Variants in MYO16 observed in about 807,000 individuals in gnomAD.
MYO16 encodes unconventional myosin-XVI.
In MYO16, 94 loss-of-function variants were observed where a neutral mutation model predicts 205.3. The ratio of observed to expected loss-of-function variants is 0.46; its 90% CI spans 0.39 to 0.54. MYO16 has a LOEUF of 0.54. Among genes scored for constraint, MYO16 ranks in the 20% least tolerant of loss-of-function variants. The pLI, the probability that MYO16 is intolerant of heterozygous loss-of-function variation, is 0.00. For missense variants in MYO16, 2,315 were observed against 2,387.5 expected, an observed-to-expected ratio of 0.97 and a Z score of 0.63; for synonymous variants, 988 against 954.0, an observed-to-expected ratio of 1.04 and a Z score of -0.66.
the MYO16 span, among the ~76,000 whole-genome samples, chr13:108,564,562 A>ATTT: frequency 6.6e-6 from 1 of 152,192 alleles, no homozygotes; most frequent in East Asian, 1.9e-4. Context: ...CTCTTGTCAG[A>ATTT]TGGGTAGTTT....
At chr13:108,686,548 T>G (rs1887123) in intron 2 of MYO16, among the ~76,000 whole-genome samples, 45,674 of 151,968 alleles carry the variant, frequency 0.3, 7,031 homozygotes, top group Middle Eastern at 0.4. Context: ...CCAGGGGATA[T>G]GGAGGTGATC....
chr13:108,629,959 C>T, intron 1 of MYO16, 87 bp downstream of exon 1: 1 of 1,135,830 alleles, frequency 8.8e-7, no homozygotes, highest in Non-Finnish European at 1.3e-6. Flanking sequence ...GGCAGTTCTC[C>T]TGGTATACCA....
At chr13:108,816,501 C>T (rs977676150) in intron 7 of MYO16, among the ~76,000 whole-genome samples, 6 of 152,082 alleles carry the variant, frequency 3.9e-5, no homozygotes, top group Non-Finnish European at 8.8e-5. Context: ...CTCTCCCCCA[C>T]ATATTTTGTA....
intron 10 of MYO16, among the ~76,000 whole-genome samples, chr13:108,854,196 C>T (rs1343281903): frequency 1.3e-5 from 2 of 151,982 alleles, no homozygotes; most frequent in South Asian, 2.1e-4. Flanking sequence ...GAGGTTTCGC[C>T]GCGTTGGTCA....
the MYO16 span, among the ~76,000 whole-genome samples, chr13:108,566,743 AAGGAAGGAAGG>A: frequency 0.029 from 1,894 of 66,076 alleles, 55 homozygotes; most frequent in African/African-American, 0.1. Context: ...GGGAGGAAGG[AAGGAAGGAAGG>A]AAGGAAGGAA....
At chr13:108,861,798 TTTC>T (rs1254789808) in intron 11 of MYO16, among the ~76,000 whole-genome samples, 1 of 152,196 alleles carries the variant, frequency 6.6e-6, no homozygotes, top group African/African-American at 2.4e-5. Context: ...TTGGGTTTTC[TTTC>T]TTCTTCTTGA....
intron 1 of MYO16, among the ~76,000 whole-genome samples, chr13:108,598,155 A>G (rs1372026864): frequency 6.6e-6 from 1 of 152,208 alleles, no homozygotes; most frequent in Non-Finnish European, 1.5e-5. Context: ...TGTTTATTCC[A>G]CAAATATTTA....
Position 108,703,090 on chromosome 13 carries a change from T to C in MYO16, c.293-9571T>C, listed in dbSNP as rs192322528. On this transcript the variant is annotated intron_variant, in intron 2 of 34. Transcript: ENST00000457511. ...GGCATAAATCCTACTTTATCAGTAA[T>C]TGCATTAATATAAATGGATTTAATA... Among the ~76,000 whole-genome samples the C allele has an allele frequency of 3.6e-3, 544 of 151,778 alleles. 3 individuals are homozygous for C. The highest frequency in any genetic ancestry group is 2.1e-3 in the Non-Finnish European group (141 of 67,946).
chr13:108,649,889 G>T (rs1390514300), intron 1 of MYO16, among the ~76,000 whole-genome samples: 1 of 152,010 alleles, frequency 6.6e-6, no homozygotes, highest in Non-Finnish European at 1.5e-5. Flanking sequence ...ATGTGTCTTA[G>T]AAATTAATAA....
intron 22 of MYO16, among the ~76,000 whole-genome samples, chr13:109,010,206 C>T (rs760889786): frequency 2.6e-5 from 4 of 152,138 alleles, no homozygotes; most frequent in Non-Finnish European, 5.9e-5. Flanking sequence ...GGAGTAGAGC[C>T]ATGCAATCTC....
At chr13:109,053,451 AG>A (rs1887315274) in intron 25 of MYO16, among the ~76,000 whole-genome samples, 1 of 151,992 alleles carries the variant, frequency 6.6e-6, no homozygotes, top group African/African-American at 2.4e-5. Context: ...TTAAAAAAAA[AG>A]AACCCAAGCT....
chr13:108,571,568 C>T, the MYO16 span, among the ~76,000 whole-genome samples: 2 of 151,972 alleles, frequency 1.3e-5, no homozygotes. Context: ...AATGAGAGTG[C>T]AGTCGCTGCT....
intron 34 of MYO16, among the ~76,000 whole-genome samples, chr13:109,202,365 T>TATTA (rs541588566): frequency 1.1e-3 from 162 of 152,310 alleles, no homozygotes; most frequent in African/African-American, 3.7e-3. Context: ...TGCCAACATT[T>TATTA]ATTATTTTCT....
chr13:108,755,375 T>G (rs1206293092), intron 4 of MYO16, among the ~76,000 whole-genome samples: 1 of 152,122 alleles, frequency 6.6e-6, no homozygotes, highest in African/African-American at 2.4e-5. Context: ...TGCAAATCAT[T>G]CTACAACTAC....
At chr13:108,748,172 A>G (rs1466773595) in intron 4 of MYO16, among the ~76,000 whole-genome samples, 3 of 152,090 alleles carry the variant, frequency 2.0e-5, no homozygotes, top group Non-Finnish European at 2.9e-5. Context: ...TCAGACCCCA[A>G]TGAAGTTAAC....
the MYO16 span, among the ~76,000 whole-genome samples, chr13:108,561,931 T>G: frequency 6.6e-6 from 1 of 152,190 alleles, no homozygotes; most frequent in Non-Finnish European, 1.5e-5. Flanking sequence ...AGGACATCAT[T>G]CCATCAATAC....
In MYO16 at chr13:109,141,023, C is replaced by T. The variant is rs1242692328; in HGVS notation, c.4811C>T (p.Pro1604Leu). 1 of 1,324,346 alleles carries T rather than the reference C, an allele frequency of 7.6e-7. No homozygotes were observed. The allele number at this position is 1,324,346 out of a possible 1,614,324, so 82.0% of individuals were successfully genotyped here. A position where few individuals can be genotyped will look rare whatever the true frequency, so the allele number is the denominator to read the frequency against. The change falls in exon 32 of 35, where the codon CCG becomes CTG. Residue 1604 changes from proline to leucine, a missense_variant. By Grantham distance (98) the Pro-to-Leu change is moderately conservative. Coordinates refer to ENST00000457511, the MANE Select transcript of MYO16 (RefSeq NM_001198950.3). This position sits in a 1 kb window ranked among gnomAD's most constrained non-coding sequence, Gnocchi z 4.1. Reference protein sequence around the residue: ...TPPPPPPPPGPPPAPYRPCAH... With the variant: ...TPPPPPPPPGLPPAPYRPCAH... ...CCCCCGCCCCCGCCCCCGCCCGGGC[C>T]GCCCCCCGCGCCCTACAGGCCCTGC...
intron 3 of MYO16, among the ~76,000 whole-genome samples, chr13:108,713,154 CAAAT>C (rs576896439): frequency 1.2e-3 from 175 of 151,980 alleles, no homozygotes; most frequent in Non-Finnish European, 2.0e-3. Flanking sequence ...AGTGAATAAA[CAAAT>C]AAATAACTAC....
chr13:108,627,261 C>CA (rs1879778931), upstream of MYO16, among the ~76,000 whole-genome samples: 2 of 151,918 alleles, frequency 1.3e-5, no homozygotes, highest in Admixed American at 1.3e-4. Flanking sequence ...GTTTCAAAGA[C>CA]AAAAAGATAA....
Sources: gnomAD v4.1 joint callset for allele counts (sites outside exome capture counted in the v4.1 genomes callset) on GRCh38, gnomAD v4.1.1 for gene constraint, Gnocchi (gnomAD v3.1) non-coding constraint, MANE v1.5 for transcripts, NCBI Gene and HGNC (gene_info 2026-07-23, HGNC 2026-07-21) for gene names.